Variants in FGD3 observed in about 807,000 individuals in gnomAD.
FGD3 encodes the protein FYVE, RhoGEF and PH domain-containing protein 3.
A neutral mutation model predicts 71.8 loss-of-function variants in FGD3; 45 were observed. The observed-to-expected ratio is 0.63, with a 90% CI of 0.49 to 0.80. The LOEUF (loss-of-function observed/expected upper bound fraction) is 0.80, where lower values mean the gene tolerates loss of function less well. Ranked by LOEUF, FGD3 falls within the 30% of genes least tolerant of loss-of-function variation. The probability of loss-of-function intolerance (pLI) is 0.00; values close to 1 mark genes in which losing one functional copy is unlikely to be tolerated. For missense variants in FGD3, 844 were observed against 951.5 expected (o/e 0.89, Z 1.49); for synonymous variants, 378 against 392.8 (o/e 0.96, Z 0.44).
chr9:93,019,244 A>G (rs142406549), intron 11 of FGD3, among the ~76,000 whole-genome samples: 9 of 152,152 alleles, frequency 5.9e-5, no homozygotes, highest in African/African-American at 2.2e-4. Context: ...TTGCTTTTTC[A>G]CTTAATTTGT....
intron 17 of FGD3, among the ~76,000 whole-genome samples, 186 bp downstream of exon 17, chr9:93,034,867 C>T (rs1214763731): frequency 6.6e-6 from 1 of 152,168 alleles, no homozygotes; most frequent in Non-Finnish European, 1.5e-5. Flanking sequence ...AACCTACTGG[C>T]ACCTGGGTGG....
chr9:92,979,324 T>A (rs4744160), intron 3 of FGD3, among the ~76,000 whole-genome samples: 32,080 of 152,156 alleles, frequency 0.21, 4,228 homozygotes, highest in African/African-American at 0.36. Context: ...TGAAAGGATG[T>A]TGAATCCTTT....
intron 1 of FGD3, among the ~76,000 whole-genome samples, chr9:92,959,557 C>G (rs1294515593): frequency 6.6e-6 from 1 of 151,712 alleles, no homozygotes; most frequent in Non-Finnish European, 1.5e-5. Context: ...ATAATAAAAA[C>G]TTAGCCAGGC....
chr9:93,031,688 G>A (rs1346983024), intron 15 of FGD3, among the ~76,000 whole-genome samples: 3 of 152,154 alleles, frequency 2.0e-5, no homozygotes, highest in Non-Finnish European at 4.4e-5. Context: ...GAGTGCCATG[G>A]TCCCTTAGCA....
chr9:93,017,562 A>C (rs1861748805), intron 10 of FGD3, among the ~76,000 whole-genome samples: 1 of 152,110 alleles, frequency 6.6e-6, no homozygotes, highest in Admixed American at 6.5e-5. Flanking sequence ...CTGTGGTCTT[A>C]TCCTGATGGA....
intron 3 of FGD3, among the ~76,000 whole-genome samples, chr9:92,978,271 A>C (rs758058078): frequency 1.6e-3 from 235 of 150,332 alleles, no homozygotes; most frequent in Non-Finnish European, 1.8e-3. Flanking sequence ...AGCAAGAAAG[A>C]AACTCCATCT....
At chr9:92,981,869 T>C (rs1860012915) in intron 3 of FGD3, among the ~76,000 whole-genome samples, 1 of 152,194 alleles carries the variant, frequency 6.6e-6, no homozygotes, top group South Asian at 2.1e-4. Flanking sequence ...TGACAGATAC[T>C]AGCTGTACAT....
At chr9:93,025,129 C>T (rs1862071526) in intron 14 of FGD3, among the ~76,000 whole-genome samples, 1 of 152,222 alleles carries the variant, frequency 6.6e-6, no homozygotes, top group Non-Finnish European at 1.5e-5. Flanking sequence ...TGGGTGCGCC[C>T]AGCTGGGTGG....
At chr9:92,993,507 G>A (rs1399656635) in intron 3 of FGD3, among the ~76,000 whole-genome samples, 1 of 151,980 alleles carries the variant, frequency 6.6e-6, no homozygotes, top group Non-Finnish European at 1.5e-5. Flanking sequence ...AGGTACATGT[G>A]CACAATGTGC....
intron 3 of FGD3, among the ~76,000 whole-genome samples, chr9:92,991,975 T>G (rs1193234505): frequency 6.6e-6 from 1 of 152,176 alleles, no homozygotes; most frequent in Admixed American, 6.5e-5. Flanking sequence ...TACTCCTCCT[T>G]GTTTTGGGTT....
Position 93,035,566 on chromosome 9 carries a change from C to A in FGD3, c.2155C>A (p.Pro719Thr). ...DSPGALQLQV[P>T]MGAAAP is the part of the protein sequence containing the mutation. The stretch of plus-strand genomic sequence containing the variant: ...CCCGGGGGCCCTGCAGCTTCAGGTC[C>A]CTATGGGCGCAGCTGCTCCGTGAGC... The change falls in exon 18 of 18, where the codon CCT becomes ACT. Residue 719 changes from proline to threonine, a missense_variant. Coordinates refer to ENST00000375482, the MANE Select transcript of FGD3 (RefSeq NM_001083536.2). The A allele has an allele frequency of 6.3e-6, 10 of 1,597,702 alleles. No homozygotes were observed. Among genetic ancestry groups the A allele is most frequent in the Non-Finnish European group, 8.5e-6 (10 of 1,174,760 alleles).
At chr9:93,010,527 G>A in intron 7 of FGD3, 143 bp downstream of exon 7, 1 of 879,952 alleles carries the variant, frequency 1.1e-6, no homozygotes, top group Non-Finnish European at 1.6e-6. Flanking sequence ...AAGAGACAGA[G>A]ACAGAGGCAG....
At chr9:93,030,106 C>T (rs9696630) in intron 15 of FGD3, 110 bp downstream of exon 15, 52,951 of 1,286,082 alleles carry the variant, frequency 0.041, 1,261 homozygotes, top group African/African-American at 0.088. Flanking sequence ...CAGCCCTGCA[C>T]GGAAGGGCTT....
At chr9:93,005,944 C>A in intron 5 of FGD3, 80 bp from the exon 6 acceptor site, 1 of 1,485,638 alleles carries the variant, frequency 6.7e-7, no homozygotes, top group Non-Finnish European at 9.0e-7. Context: ...CCCACACCCC[C>A]CTGGTGGAGT....
chr9:92,970,793 G>A lies in FGD3; in HGVS notation c.-217-4445G>A, dbSNP rs956550514. Among the ~76,000 whole-genome samples, 14 of 152,162 alleles carry A rather than the reference G, an allele frequency of 9.2e-5. 1 individual carries two copies. Among genetic ancestry groups the A allele is most frequent in the Admixed American group, 5.2e-4 (8 of 15,282 alleles). The stretch of plus-strand genomic sequence containing the variant: ...CATGTGTATGTATGTGCACATGTGC[G>A]TTTGTTTATGCATGTGTGCATGCAC... On this transcript the variant is annotated intron_variant, in intron 1 of 17. Transcript: ENST00000375482.
At chr9:93,008,948 G>C (rs185577098) in intron 6 of FGD3, among the ~76,000 whole-genome samples, 244 of 146,402 alleles carry the variant, frequency 1.7e-3, no homozygotes, top group Non-Finnish European at 2.8e-3. Flanking sequence ...CTGGGCAACA[G>C]AGCAAGACTC....
At chr9:92,972,649 T>A (rs1859579986) in intron 1 of FGD3, among the ~76,000 whole-genome samples, 1 of 151,284 alleles carries the variant, frequency 6.6e-6, no homozygotes, top group Admixed American at 6.6e-5. Context: ...AGATTTATAG[T>A]TTCCATCAAA....
intron 6 of FGD3, among the ~76,000 whole-genome samples, chr9:93,009,778 G>A (rs972683205): frequency 3.3e-5 from 5 of 152,320 alleles, no homozygotes; most frequent in Admixed American, 6.5e-5. Context: ...TATCGAGAGC[G>A]ATCTGCAGAA....
chr9:93,020,582 AACT>A, intron 13 of FGD3, 158 bp downstream of exon 13: 1 of 620,808 alleles, frequency 1.6e-6, no homozygotes, highest in Non-Finnish European at 2.9e-6. Flanking sequence ...TTAAAATAAA[AACT>A]TAAGACAAAT....
Sources: gnomAD v4.1 joint callset for allele counts (sites outside exome capture counted in the v4.1 genomes callset) on GRCh38, gnomAD v4.1.1 for gene constraint, MANE v1.5 for transcripts, NCBI Gene and HGNC (gene_info 2026-07-23, HGNC 2026-07-21) for gene names.